The following KIFC3 variants were observed in gnomAD, a reference collection of about 807,000 sequenced individuals.
The protein encoded by KIFC3 is kinesin-like protein KIFC3.
Under a neutral mutation model 101.8 loss-of-function variants are expected in KIFC3, and 60 were observed. That is an observed-to-expected ratio of 0.59 (90% CI 0.48 to 0.73). The LOEUF is 0.73. Ranked by LOEUF, KIFC3 falls within the 30% of genes least tolerant of loss-of-function variation. The probability of loss-of-function intolerance (pLI) is 0.00; values close to 1 mark genes in which losing one functional copy is unlikely to be tolerated. For synonymous variants in KIFC3, 476 were observed against 482.7 expected (o/e 0.99, Z 0.18); for missense variants, 966 against 1,137.1 (o/e 0.85, Z 2.16).
intron 2 of KIFC3, among the ~76,000 whole-genome samples, chr16:57,796,106 T>A (rs1555622839): frequency 3.3e-5 from 5 of 152,100 alleles, no homozygotes. Context: ...TTGGCCAGGC[T>A]GGTCTTGAAC....
chr16:57,775,145 C>T (rs1555611162), intron 3 of KIFC3: 7 of 1,370,808 alleles, frequency 5.1e-6, no homozygotes, highest in Non-Finnish European at 6.6e-6. Context: ...CCTGGGGGCT[C>T]CTGGGCTCTG....
At chr16:57,801,472 G>A (rs1217551633) in intron 1 of KIFC3, among the ~76,000 whole-genome samples, 3 of 152,154 alleles carry the variant, frequency 2.0e-5, no homozygotes, top group Non-Finnish European at 4.4e-5. Context: ...CAAATGCAGG[G>A]CCCCATTCTG....
Position 57,771,656 on chromosome 16 carries a change from G to A in KIFC3, c.412C>T (p.Leu138=). 1.9e-6 allele frequency: 3 copies of A among 1,612,960 alleles called. No homozygotes were observed. The highest frequency in any genetic ancestry group is 1.1e-5 in the South Asian group (1 of 90,966). Reference sequence around the variant, plus strand: ...AGTCGCTCATTCTCCACCATCAGCAGGTCCCGGTGCTTCTCCAAGTCGGTG... The same window carrying A: ...AGTCGCTCATTCTCCACCATCAGCAAGTCCCGGTGCTTCTCCAAGTCGGTG... ...GGTDLEKHRD[L]LMVENERLRQ... is the part of the protein sequence containing the mutation. The change falls in exon 5 of 20, where the codon CTG becomes TTG. Residue 138 remains leucine, a synonymous_variant. Coordinates refer to ENST00000445690, the MANE Select transcript of KIFC3 (RefSeq NM_001130100.2).
At chr16:57,804,946 C>G (rs1952035223), upstream of KIFC3, among the ~76,000 whole-genome samples, 1 of 150,544 alleles carries the variant, frequency 6.6e-6, no homozygotes, top group Non-Finnish European at 1.5e-5. Flanking sequence ...GCTCTGTCAC[C>G]CAAGCTGGAG....
intron 1 of KIFC3, among the ~76,000 whole-genome samples, chr16:57,837,539 G>A (rs1596834748): frequency 9.2e-5 from 1 of 10,878 alleles, no homozygotes; most frequent in Admixed American, 1.4e-3. Context: ...AAGAAAGAAA[G>A]AGAAAGGAAG....
chr16:57,789,684 T>G (rs999493344), intron 3 of KIFC3, among the ~76,000 whole-genome samples: 1 of 152,214 alleles, frequency 6.6e-6, no homozygotes. Flanking sequence ...TCTTTGGCAT[T>G]TGAATTGTTA....
intron 3 of KIFC3, chr16:57,785,790 C>T (rs545518365): frequency 2.0e-4 from 85 of 416,946 alleles, no homozygotes; most frequent in African/African-American, 1.2e-3. Context: ...GGTGGGCAAC[C>T]AGGTGAGGGC....
At chr16:57,819,418 G>A (rs367728062) in intron 1 of KIFC3, among the ~76,000 whole-genome samples, 6 of 152,244 alleles carry the variant, frequency 3.9e-5, no homozygotes, top group Admixed American at 1.3e-4. Context: ...ATGACTTGGC[G>A]CAAGCAGGAG....
rs572452056 is a variant in KIFC3, at chr16:57,765,997, T to C, written c.1331-357A>G. Among the ~76,000 whole-genome samples the C allele has an allele frequency of 2.0e-5, 3 of 152,310 alleles. No individual in the cohort carries two copies. In the East Asian group the frequency reaches 5.8e-4, roughly 29 times the overall value. On this transcript the variant is annotated intron_variant, in intron 10 of 19. Coordinates refer to ENST00000445690, the MANE Select transcript of KIFC3 (RefSeq NM_001130100.2). ...TTCTTCATCCAGACAATGAGGGGCT[T>C]GGGCCCCAATGAGCAAAGAGCCTTG...
At chr16:57,788,763 A>G (rs1555618959) in intron 3 of KIFC3, 1 of 1,281,850 alleles carries the variant, frequency 7.8e-7, no homozygotes, top group South Asian at 1.2e-5. Flanking sequence ...GTGCCAGGGA[A>G]GGACCCTCGA....
At chr16:57,862,471 A>G (rs186674781) in intron 1 of KIFC3, among the ~76,000 whole-genome samples, 2 of 152,318 alleles carry the variant, frequency 1.3e-5, no homozygotes, top group Admixed American at 1.3e-4. Context: ...AGGGAGGATT[A>G]CTATACTGCC....
chr16:57,759,007 T>C lies in KIFC3; in HGVS notation c.*25-98A>G, dbSNP rs117227681. 4.4e-3 allele frequency: 6,715 copies of C among 1,532,164 alleles called. 123 individuals are homozygous for C. The highest frequency in any genetic ancestry group is 0.03 in the South Asian group (2,441 of 82,028). The allele number at this position is 1,532,164 out of a possible 1,614,324, so 94.9% of individuals were successfully genotyped here. The stretch of plus-strand genomic sequence containing the variant: ...CAGGAGGGAACCCAGCAAAAGCACA[T>C]AGACAAGCGACAGCAGGGGCTAGAC... On this transcript the variant is annotated intron_variant, in intron 19 of 19. Transcript: ENST00000445690.
At chr16:57,789,281 G>A (rs537199533) in intron 3 of KIFC3, among the ~76,000 whole-genome samples, 2 of 152,372 alleles carry the variant, frequency 1.3e-5, no homozygotes, top group Admixed American at 6.5e-5. Flanking sequence ...GAGGCCATGG[G>A]AAGCCGTCTC....
At position 57,854,486 on chromosome 16, in the gene KIFC3, G is replaced by T. The variant is rs371930210; in HGVS notation, c.108+8243C>A. 9.9e-5 allele frequency among the ~76,000 whole-genome samples: 15 copies of T among 152,200 alleles called. No homozygotes were observed. The East Asian group carries it at 2.7e-3, about 27-fold the overall frequency. Reference sequence around the variant, plus strand: ...CTACTAAAAATACAAAAATTAGCCAGCCATGGTGGCATGCACCTGTAGTTC... The same window carrying T: ...CTACTAAAAATACAAAAATTAGCCATCCATGGTGGCATGCACCTGTAGTTC... On this transcript the variant is annotated intron_variant, in intron 1 of 2. Coordinates refer to the KIFC3 transcript ENST00000563028.
chr16:57,795,031 C>T lies in KIFC3; in HGVS notation c.283G>A (p.Gly95Arg), dbSNP rs1346449990. The T allele has an allele frequency of 1.9e-6, 3 of 1,596,762 alleles. No individual in the cohort carries two copies. Among genetic ancestry groups the T allele is most frequent in the South Asian group, 1.1e-5 (1 of 89,226 alleles). Residue 95 changes from glycine to arginine, a missense_variant, in exon 3 of 20, where the codon GGA (glycine) becomes AGA (arginine). By Grantham distance (125) the Gly-to-Arg change is moderately radical (BLOSUM62 -2). This residue lies in a region of KIFC3 where 277 missense variants were observed against 252.5 expected (regional missense o/e 1.10). Transcript: ENST00000445690. Reference sequence around the variant, plus strand: ...GTCAGGTAGAGCCCGTGGGGGCTTCCGGGGCCAGCCCAGTCCACGCTAAGG... The same window carrying T: ...GTCAGGTAGAGCCCGTGGGGGCTTCTGGGGCCAGCCCAGTCCACGCTAAGG... ...RALSVDWAGP[G>R]SPHGLYLTLQ...
In KIFC3 at chr16:57,759,772, G is replaced by A; in HGVS notation, c.2432C>T (p.Thr811Ile). The A allele has an allele frequency of 6.2e-7, 1 of 1,611,406 alleles. No individual in the cohort carries two copies. Among genetic ancestry groups the A allele is most frequent in the Non-Finnish European group, 8.5e-7 (1 of 1,179,038 alleles). The change falls in exon 18 of 20, where the codon ACC (threonine) becomes ATC (isoleucine). Residue 811 changes from threonine (T) to isoleucine (I), a missense_variant. By Grantham distance (89) the Thr-to-Ile change is moderately conservative. Transcript: ENST00000445690. ...ARAHSAPSSG[T>I]SSRPGSIRRK... is the part of the protein sequence containing the mutation. ...CCGGATGGATCCAGGGCGGCTACTG[G>A]TCCCAGAGCTGGGGGCTGAGTGGGC...
At chr16:57,759,646 G>C in intron 18 of KIFC3, 82 bp downstream of exon 18, 2 of 1,049,538 alleles carry the variant, frequency 1.9e-6, no homozygotes, top group Non-Finnish European at 2.8e-6. Context: ...GGAAAGAAAA[G>C]AGAAAGCCCA....
rs868984652 is a variant in KIFC3 at position 57,802,089 on chromosome 16, T to C, written c.-40+281A>G. ...ATCCCGGGTAGGGTCTGCGCTCTTC[T>C]CGTTCAATAAAATCCAAACGGGGTC... On this transcript the variant is annotated intron_variant, in intron 1 of 19. Transcript: ENST00000445690. The surrounding 1 kb of genome is among the most constrained non-coding windows in gnomAD (Gnocchi z 5.0). 6.6e-6 allele frequency among the ~76,000 whole-genome samples: 1 copy of C among 152,186 alleles called. No individual in the cohort carries two copies. The highest frequency in any genetic ancestry group is 2.4e-5 in the African/African-American group (1 of 41,458).
At chr16:57,783,778 A>C (rs2053022357) in intron 3 of KIFC3, among the ~76,000 whole-genome samples, 1 of 152,062 alleles carries the variant, frequency 6.6e-6, no homozygotes, top group African/African-American at 2.4e-5. Flanking sequence ...CAGCCCACAA[A>C]GCCCTTTAAA....
Sources: gnomAD v4.1 joint callset for allele counts (sites outside exome capture counted in the v4.1 genomes callset) on GRCh38, gnomAD v4.1.1 for gene constraint, gnomAD v4.1.1 regional missense constraint, Gnocchi (gnomAD v3.1) non-coding constraint, MANE v1.5 for transcripts, NCBI Gene and HGNC (gene_info 2026-07-23, HGNC 2026-07-21) for gene names.